The following USP30 variants were observed in gnomAD, a reference collection of about 807,000 sequenced individuals.
USP30 encodes ubiquitin specific peptidase 30.
USP30 carries 41 observed loss-of-function variants against 68.2 expected under a neutral mutation model. The observed-to-expected ratio is 0.60, with a 90% CI of 0.47 to 0.78. The LOEUF (loss-of-function observed/expected upper bound fraction) is 0.78. Among genes scored for constraint, USP30 ranks in the 30% least tolerant of loss-of-function variants. The pLI, the probability that USP30 is intolerant of heterozygous loss-of-function variation, is 0.00. For synonymous variants in USP30, 229 were observed against 253.7 expected, an observed-to-expected ratio of 0.90 and a Z score of 0.93; for missense variants, 522 against 649.4, an observed-to-expected ratio of 0.80 and a Z score of 2.13.
intron 3 of USP30, among the ~76,000 whole-genome samples, chr12:109,040,331 T>C: frequency 6.6e-6 from 1 of 152,234 alleles, no homozygotes; most frequent in East Asian, 1.9e-4. Context: ...CTTGACTGTG[T>C]TGGGGCCTGG....
intron 3 of USP30, among the ~76,000 whole-genome samples, chr12:109,046,028 C>T (rs1326437521): frequency 6.7e-6 from 1 of 150,004 alleles, no homozygotes; most frequent in Non-Finnish European, 1.5e-5. Context: ...GCCAGTGTTG[C>T]AATTCAGGCA....
intron 3 of USP30, among the ~76,000 whole-genome samples, chr12:109,065,317 G>A (rs979843535): frequency 5.3e-5 from 8 of 152,180 alleles, no homozygotes; most frequent in Admixed American, 2.0e-4. Context: ...TGGCTCATGG[G>A]CCAAATCCAG....
In USP30 at chr12:109,080,683, A is replaced by T. The variant is rs193193028; in HGVS notation, c.721-651A>T. ...ACTTCCAACTACAGTCATGTGCTAT[A>T]TAATGATGTTTTGGTCAATGACAAA... On this transcript the variant is annotated intron_variant, in intron 7 of 12. Transcript: ENST00000257548. 2.0e-3 allele frequency among the ~76,000 whole-genome samples: 299 copies of T among 152,366 alleles called. 2 individuals are homozygous for T. Among genetic ancestry groups the T allele is most frequent in the Non-Finnish European group, 5.1e-4 (35 of 68,040 alleles).
At chr12:109,081,865 C>G in intron 8 of USP30, 68 bp from the exon 9 acceptor site, 1 of 1,449,786 alleles carries the variant, frequency 6.9e-7, no homozygotes, top group Non-Finnish European at 9.7e-7. Context: ...CTTCACACTG[C>G]CATCTGCTAA....
intron 2 of USP30, among the ~76,000 whole-genome samples, chr12:109,025,922 A>G (rs1305017345): frequency 6.6e-6 from 1 of 152,138 alleles, no homozygotes; most frequent in African/African-American, 2.4e-5. Flanking sequence ...TCCTGGGCTC[A>G]AGGGATCCTC....
rs149268209 is a variant in USP30, at chr12:109,071,677, G to C, written c.546G>C (p.Arg182=). The change falls in exon 5 of 13, where the codon CGG becomes CGC. Residue 182 remains arginine, a synonymous_variant. Coordinates refer to ENST00000257548, the MANE Select transcript of USP30 (RefSeq NM_032663.5). ...SLEDERDRQP[R]VTHLFDVHSL... ...AAGATGAGCGAGACCGCCAGCCTCG[G>C]GTCACACATTTGTTTGATGTGCATT... 1 of 1,614,008 alleles carries C rather than the reference G, an allele frequency of 6.2e-7. No homozygotes were observed. Among genetic ancestry groups the C allele is most frequent in the African/African-American group, 1.3e-5 (1 of 74,908 alleles).
chr12:109,024,509 C>T (rs780738235), intron 1 of USP30, among the ~76,000 whole-genome samples: 11 of 152,110 alleles, frequency 7.2e-5, no homozygotes, highest in South Asian at 2.1e-4. Flanking sequence ...CAACCTGCCT[C>T]GGCCTCCCAA....
chr12:109,077,969 A>G (rs1278165001), intron 7 of USP30, among the ~76,000 whole-genome samples: 2 of 152,188 alleles, frequency 1.3e-5, no homozygotes, highest in African/African-American at 2.4e-5. Context: ...GCTATTATAC[A>G]TACATTATAA....
At chr12:109,045,095 C>T in intron 3 of USP30, among the ~76,000 whole-genome samples, 1 of 149,586 alleles carries the variant, frequency 6.7e-6, no homozygotes, top group South Asian at 2.1e-4. Context: ...TCTCCTGACT[C>T]AGCCTCCTGA....
chr12:109,040,174 A>G (rs573183804), intron 3 of USP30, among the ~76,000 whole-genome samples: 4 of 152,260 alleles, frequency 2.6e-5, no homozygotes, highest in Middle Eastern at 3.4e-3. Flanking sequence ...CATATGGCAA[A>G]CAAAAAAAAA....
At chr12:109,033,017 C>T (rs2040493583) in intron 3 of USP30, among the ~76,000 whole-genome samples, 1 of 152,182 alleles carries the variant, frequency 6.6e-6, no homozygotes, top group African/African-American at 2.4e-5. Context: ...ACAAGCAGTC[C>T]CCCAATCAAC....
intron 7 of USP30, among the ~76,000 whole-genome samples, chr12:109,078,770 T>G (rs929209706): frequency 1.1e-4 from 17 of 152,264 alleles, no homozygotes; most frequent in Admixed American, 5.9e-4. Context: ...TGCTGACAGA[T>G]ACACTTAGAT....
At chr12:109,074,731 C>T (rs188001137) in intron 7 of USP30, among the ~76,000 whole-genome samples, 17 of 152,242 alleles carry the variant, frequency 1.1e-4, no homozygotes, top group Non-Finnish European at 2.2e-4. Context: ...GCACGTGCAC[C>T]TGTGCTCATA....
intron 2 of USP30, among the ~76,000 whole-genome samples, chr12:109,057,219 T>C (rs1332367304): frequency 2.0e-5 from 3 of 152,148 alleles, no homozygotes; most frequent in African/African-American, 7.2e-5. Flanking sequence ...TAATGCTCCC[T>C]TTTGAAAGTG....
intron 3 of USP30, among the ~76,000 whole-genome samples, chr12:109,041,669 A>G (rs1166721509): frequency 6.6e-6 from 1 of 152,064 alleles, no homozygotes; most frequent in African/African-American, 2.4e-5. Context: ...GAAAATGAAT[A>G]TATGTGAAGT....
Position 109,052,733 on chromosome 12 carries a change from C to T in USP30, c.55C>T (p.Arg19Cys), listed in dbSNP as rs780430827. Residue 19 changes from arginine to cysteine, a missense_variant, in exon 1 of 13, where the codon CGC becomes TGC. Arg to Cys is a radical substitution (Grantham distance 180). Coordinates refer to ENST00000257548, the MANE Select transcript of USP30 (RefSeq NM_032663.5). ...GACCGCGGCCGACAGGGCCATCCAG[C>T]GCTTCCTGCGGACCGGGGCGGCCGT... ...AMTAADRAIQRFLRTGAAVRY... is the reference protein window; with the variant it reads ...AMTAADRAIQCFLRTGAAVRY... 3 of 1,465,158 alleles carry T rather than the reference C, an allele frequency of 2.0e-6. No individual in the cohort carries two copies. The highest frequency in any genetic ancestry group is 2.7e-6 in the Non-Finnish European group (3 of 1,110,004). The allele number at this position is 1,465,158 out of a possible 1,614,324, so 90.8% of individuals were successfully genotyped here.
intron 11 of USP30, among the ~76,000 whole-genome samples, chr12:109,083,559 G>C (rs770141071): frequency 6.6e-6 from 1 of 151,988 alleles, no homozygotes; most frequent in Non-Finnish European, 1.5e-5. Flanking sequence ...TATTATCGCC[G>C]GTCTTACTGA....
In USP30 at chr12:109,063,722, A is replaced by T. The variant is rs139902731; in HGVS notation, c.377-3802A>T. Among the ~76,000 whole-genome samples the T allele has an allele frequency of 3.3e-5, 5 of 152,202 alleles. No homozygotes were observed. The East Asian group carries it at 9.6e-4, about 29-fold the overall frequency. Reference sequence around the variant, plus strand: ...CAGATATTATTTTCTGTTTTTATTGATAGTAGCCATCCTAATGGTATGGTA... The same window carrying T: ...CAGATATTATTTTCTGTTTTTATTGTTAGTAGCCATCCTAATGGTATGGTA... On this transcript the variant is annotated intron_variant, in intron 3 of 12. Coordinates refer to ENST00000257548, the MANE Select transcript of USP30 (RefSeq NM_032663.5).
chr12:109,070,331 G>A lies in USP30; in HGVS notation c.481-1281G>A, dbSNP rs75107806. On this transcript the variant is annotated intron_variant, in intron 4 of 12. Coordinates refer to ENST00000257548, the MANE Select transcript of USP30 (RefSeq NM_032663.5). This position sits in a 1 kb window ranked among gnomAD's most constrained non-coding sequence, Gnocchi z 4.0. Reference sequence around the variant, plus strand: ...TTGGCTGAGGGTGGGTTAGAGTTCAGAGGGGTGGAGGCAGCTTTGGATAAT... The same window carrying A: ...TTGGCTGAGGGTGGGTTAGAGTTCAAAGGGGTGGAGGCAGCTTTGGATAAT... Among the ~76,000 whole-genome samples the A allele has an allele frequency of 0.1, 15,414 of 152,174 alleles. 1,315 individuals are homozygous for A. The highest frequency in any genetic ancestry group is 0.27 in the Admixed American group (4,197 of 15,272).
Sources: allele counts gnomAD v4.1 joint callset (sites outside exome capture counted in the v4.1 genomes callset), GRCh38; gene constraint gnomAD v4.1.1; non-coding constraint Gnocchi (gnomAD v3.1); transcripts MANE v1.5; gene names NCBI Gene and HGNC (gene_info 2026-07-23, HGNC 2026-07-21).